Variants in ZNF292 observed in about 807,000 individuals in gnomAD.
ZNF292 encodes zinc finger protein 292.
Under a neutral mutation model 217.9 loss-of-function variants are expected in ZNF292, and 26 were observed. The observed-to-expected ratio is 0.12, with a 90% CI of 0.09 to 0.17. The LOEUF (loss-of-function observed/expected upper bound fraction) is 0.17, where lower values mean the gene tolerates loss of function less well. Ranked by LOEUF, ZNF292 falls within the 10% of genes least tolerant of loss-of-function variation. The pLI, the probability that ZNF292 is intolerant of heterozygous loss-of-function variation, is 1.00. For synonymous variants in ZNF292, 1,257 were observed against 1,124.1 expected (o/e 1.12, Z -2.37); for missense variants, 2,904 against 3,175.2 (o/e 0.91, Z 2.05).
chr6:87,156,229 C>T (rs1402351120), intron 1 of ZNF292, among the ~76,000 whole-genome samples: 7 of 152,228 alleles, frequency 4.6e-5, no homozygotes, highest in African/African-American at 1.7e-4. Context: ...TCCGTCCCGC[C>T]CCCCAGCCCC....
chr6:87,259,122 A>T lies in ZNF292; in HGVS notation c.5493A>T (p.Ser1831=), dbSNP rs1775413869. 1.2e-6 allele frequency: 2 copies of T among 1,613,246 alleles called. No homozygotes were observed. Among genetic ancestry groups the T allele is most frequent in the African/African-American group, 2.7e-5 (2 of 74,912 alleles). Residue 1831 remains serine, a synonymous_variant, in exon 8 of 8, where the codon TCA becomes TCT. Transcript: ENST00000369577. ...TKSNIPQSEV[S]HKEDQIQEIL... Reference sequence around the variant, plus strand: ...GTAACATTCCTCAGTCTGAAGTATCACATAAGGAGGATCAAATACAGGAAA... The same window carrying T: ...GTAACATTCCTCAGTCTGAAGTATCTCATAAGGAGGATCAAATACAGGAAA...
intron 1 of ZNF292, among the ~76,000 whole-genome samples, chr6:87,183,631 T>C (rs536499137): frequency 6.6e-6 from 1 of 152,160 alleles, no homozygotes; most frequent in Non-Finnish European, 1.5e-5. Context: ...TTGAGAATCA[T>C]AAAATACCAC....
chr6:87,254,060 A>G (rs1224904515), intron 7 of ZNF292, among the ~76,000 whole-genome samples: 1 of 152,204 alleles, frequency 6.6e-6, no homozygotes, highest in Non-Finnish European at 1.5e-5. Flanking sequence ...TGGTTTTATG[A>G]TAGCACTAGA....
rs1775160323 is a variant in ZNF292, at chr6:87,255,505, A to G, written c.1876A>G (p.Thr626Ala). ...TTTNENQKTN[T>A]VAKQEQRPIK... The stretch of plus-strand genomic sequence containing the variant: ...TACCAATGAAAATCAGAAGACTAAT[A>G]CTGTGGCTAAACAGGAGCAGCGACC... Residue 626 changes from threonine (T) to alanine (A), a missense_variant, in exon 8 of 8, where the codon ACT becomes GCT. Around this residue, in one of 15 missense-constraint regions of ZNF292, gnomAD observed 216 missense variants for 308.3 expected, o/e 0.70. Coordinates refer to ENST00000369577, the MANE Select transcript of ZNF292 (RefSeq NM_015021.3). 1.2e-6 allele frequency: 2 copies of G among 1,613,238 alleles called. No homozygotes were observed. The highest frequency in any genetic ancestry group is 2.2e-5 in the South Asian group (2 of 91,030).
intron 1 of ZNF292, among the ~76,000 whole-genome samples, chr6:87,182,847 A>G (rs1438093794): frequency 6.6e-6 from 1 of 152,190 alleles, no homozygotes; most frequent in Non-Finnish European, 1.5e-5. Context: ...ACAGCAGGAC[A>G]CCAGAATCTT....
At position 87,258,441 on chromosome 6, in the gene ZNF292, T is replaced by G; in HGVS notation, c.4812T>G (p.Ser1604=). The change falls in exon 8 of 8, where the codon TCT becomes TCG. Residue 1604 remains serine (S), a synonymous_variant. Coordinates refer to ENST00000369577, the MANE Select transcript of ZNF292 (RefSeq NM_015021.3). ...GPSQNFTSNS[S]RVSVISGPQN... ...CACAAAATTTTACCAGTAACAGTTC[T>G]CGTGTTTCTGTTATAAGTGGTCCTC... is the stretch of plus-strand genomic sequence containing the variant. 6.2e-7 allele frequency: 1 copy of G among 1,613,708 alleles called. No homozygotes were observed. Among genetic ancestry groups the G allele is most frequent in the East Asian group, 2.2e-5 (1 of 44,874 alleles).
intron 1 of ZNF292, among the ~76,000 whole-genome samples, chr6:87,177,577 T>C (rs576061451): frequency 1.3e-5 from 2 of 152,194 alleles, no homozygotes; most frequent in Admixed American, 6.5e-5. Flanking sequence ...TTCTATACTG[T>C]CACTAAGATT....
intron 1 of ZNF292, among the ~76,000 whole-genome samples, chr6:87,167,248 A>G (rs1034105302): frequency 6.6e-6 from 1 of 152,224 alleles, no homozygotes; most frequent in African/African-American, 2.4e-5. Context: ...CTGTCACTTC[A>G]GCGAAAAACT....
At chr6:87,207,580 G>A (rs771429987) in intron 1 of ZNF292, among the ~76,000 whole-genome samples, 2 of 152,114 alleles carry the variant, frequency 1.3e-5, no homozygotes, top group Non-Finnish European at 2.9e-5. Context: ...GACTGTCTAC[G>A]TGGCCTAGTT....
chr6:87,211,963 A>G (rs1297591906), intron 1 of ZNF292, among the ~76,000 whole-genome samples: 2 of 152,150 alleles, frequency 1.3e-5, no homozygotes, highest in Admixed American at 1.3e-4. Flanking sequence ...CGTAACAAAA[A>G]CCATTGGTTT....
chr6:87,232,258 G>A (rs1163288801), intron 4 of ZNF292, among the ~76,000 whole-genome samples: 3 of 152,072 alleles, frequency 2.0e-5, no homozygotes, highest in African/African-American at 7.2e-5. Context: ...TTCTATAGTG[G>A]AGTACAGTTA....
chr6:87,208,173 A>G (rs947827966), intron 1 of ZNF292, among the ~76,000 whole-genome samples: 2 of 151,924 alleles, frequency 1.3e-5, no homozygotes, highest in Non-Finnish European at 2.9e-5. Flanking sequence ...TCCCCCACCA[A>G]TCTTATTTTG....
At position 87,257,232 on chromosome 6, in the gene ZNF292, T is replaced by A. The variant is rs1271752285; in HGVS notation, c.3603T>A (p.Thr1201=). ...IFPAHLASVS[T]PLLSSMESVI... ...CAGCTCATTTAGCAAGTGTGTCAAC[T>A]CCATTGTTGTCCTCAATGGAAAGTG... Residue 1201 remains threonine (T), a synonymous_variant, in exon 8 of 8, where the codon ACT becomes ACA. Coordinates refer to ENST00000369577, the MANE Select transcript of ZNF292 (RefSeq NM_015021.3). 1.9e-6 allele frequency: 3 copies of A among 1,613,726 alleles called. No homozygotes were observed. The highest frequency in any genetic ancestry group is 2.5e-6 in the Non-Finnish European group (3 of 1,179,840).
intron 1 of ZNF292, among the ~76,000 whole-genome samples, chr6:87,186,917 A>C (rs1026312790): frequency 6.6e-6 from 1 of 152,174 alleles, no homozygotes; most frequent in African/African-American, 2.4e-5. Flanking sequence ...TTTTCCTCCA[A>C]CTACTCACGT....
chr6:87,265,183 C>T lies in ZNF292; in HGVS notation c.*3382C>T, dbSNP rs1309278145. The stretch of plus-strand genomic sequence containing the variant: ...GCTGGAGTGCAGTGTTGCACGATCT[C>T]GGCTTACTGCAACTTCTGCCTCCCA... On this transcript the variant is annotated 3_prime_UTR_variant, in exon 8 of 8. Coordinates refer to ENST00000369577, the MANE Select transcript of ZNF292 (RefSeq NM_015021.3). Among the ~76,000 whole-genome samples the T allele has an allele frequency of 1.3e-5, 2 of 151,888 alleles. No homozygotes were observed. The highest frequency in any genetic ancestry group is 1.9e-4 in the East Asian group (1 of 5,184).
In ZNF292 at chr6:87,255,855, G is replaced by T; in HGVS notation, c.2226G>T (p.Gln742His). ...TTACTCATCTCAATGATCACTTACA[G>T]ATGCACTGTGGCAGTAAACCATATA... ...VSVTHLNDHL[Q>H]MHCGSKPYIC... The change falls in exon 8 of 8, where the codon CAG becomes CAT. Residue 742 changes from glutamine to histidine, a missense_variant. Gln to His is a conservative substitution (Grantham distance 24). This residue lies in a region of ZNF292 where 216 missense variants were observed against 308.3 expected (regional missense o/e 0.70). Transcript: ENST00000369577. 1 of 1,613,848 alleles carries T rather than the reference G, an allele frequency of 6.2e-7. No individual in the cohort carries two copies.
chr6:87,155,614 A>T lies in ZNF292; in HGVS notation c.23A>T (p.Gln8Leu), dbSNP rs748637202. Residue 8 changes from glutamine to leucine, a missense_variant, in exon 1 of 8, where the codon CAG (glutamine) becomes CTG (leucine). Physicochemically the swap from Gln to Leu is moderately radical, Grantham distance 113. Transcript: ENST00000369577. Reference protein sequence around the residue: MADEEAEQERLSCGEGGC... With the variant: MADEEAELERLSCGEGGC... ...AAGATGGCGGACGAAGAGGCCGAGC[A>T]GGAGAGGTTGAGTTGCGGCGAAGGC... 3 of 1,582,804 alleles carry T rather than the reference A, an allele frequency of 1.9e-6. No individual in the cohort carries two copies. The highest frequency in any genetic ancestry group is 1.7e-6 in the Non-Finnish European group (2 of 1,165,618).
At chr6:87,247,887 TAAAC>T (rs1409637887) in intron 7 of ZNF292, among the ~76,000 whole-genome samples, 4 of 152,182 alleles carry the variant, frequency 2.6e-5, no homozygotes, top group East Asian at 3.8e-4. Flanking sequence ...CGTTTGGAAA[TAAAC>T]ATACATAGTT....
At chr6:87,207,244 G>A (rs551971335) in intron 1 of ZNF292, among the ~76,000 whole-genome samples, 2 of 152,322 alleles carry the variant, frequency 1.3e-5, no homozygotes, top group South Asian at 4.1e-4. Context: ...GAACAAATGT[G>A]TATATATGTA....
Sources: allele counts gnomAD v4.1 joint callset (sites outside exome capture counted in the v4.1 genomes callset), GRCh38; gene constraint gnomAD v4.1.1; regional missense constraint gnomAD v4.1.1; transcripts MANE v1.5; gene names NCBI Gene and HGNC (gene_info 2026-07-23, HGNC 2026-07-21).